FBXO11: variants seen among roughly 807,000 people sequenced by gnomAD.
FBXO11 encodes F-box only protein 11.
In FBXO11, 13 loss-of-function variants were observed where a neutral mutation model predicts 117.0. The ratio of observed to expected loss-of-function variants is 0.11; its 90% CI spans 0.07 to 0.18. The LOEUF (loss-of-function observed/expected upper bound fraction) is 0.18, where lower values mean the gene tolerates loss of function less well. FBXO11 is among the 10% of genes least tolerant of loss of function. FBXO11 has a pLI of 1.00. For missense variants in FBXO11, 767 were observed against 1,164.4 expected (o/e 0.66, Z 4.97); for synonymous variants, 490 against 380.5 (o/e 1.29, Z -3.35).
intron 11 of FBXO11, among the ~76,000 whole-genome samples, chr2:47,831,575 C>A (rs1027065382): frequency 1.4e-4 from 21 of 151,988 alleles, no homozygotes; most frequent in Admixed American, 1.0e-3. Flanking sequence ...GACCCTCTCT[C>A]CCATCTTGGA....
chr2:47,829,066 C>G (rs1457436572), intron 11 of FBXO11, among the ~76,000 whole-genome samples: 1 of 151,772 alleles, frequency 6.6e-6, no homozygotes, highest in African/African-American at 2.4e-5. Context: ...GGATTACAGG[C>G]ACACGCCACC....
At chr2:47,863,514 T>TTA (rs1439001919) in intron 1 of FBXO11, among the ~76,000 whole-genome samples, 2 of 152,184 alleles carry the variant, frequency 1.3e-5, no homozygotes, top group African/African-American at 4.8e-5. Flanking sequence ...TACAGACAGC[T>TTA]CCTAATTTAT....
intron 1 of FBXO11, among the ~76,000 whole-genome samples, chr2:47,863,679 C>G (rs896598718): frequency 6.6e-6 from 1 of 152,130 alleles, no homozygotes; most frequent in African/African-American, 2.4e-5. Context: ...AGGCCGGGTG[C>G]GGTGGCTCAT....
chr2:47,868,386 G>A, intron 1 of FBXO11, among the ~76,000 whole-genome samples: 2 of 151,276 alleles, frequency 1.3e-5, no homozygotes, highest in East Asian at 3.9e-4. Context: ...TTCACAATAT[G>A]CCACAGTGTG....
At chr2:47,818,698 A>T in intron 16 of FBXO11, 81 bp downstream of exon 16, 1 of 895,700 alleles carries the variant, frequency 1.1e-6, no homozygotes, top group Non-Finnish European at 1.7e-6. Flanking sequence ...ATTGGGCATT[A>T]AACAATAAGC....
In FBXO11 at chr2:47,813,243, C is replaced by A; in HGVS notation, c.2218G>T (p.Gly740Trp). ...GRDGGICIFN[G>W]GRGLLEENDI... ...AAATTAACAACAATACCTCGACCCC[C>A]ATTAAATATACAGATGCCACCATCT... The change falls in exon 18 of 23, where the codon GGG becomes TGG. Residue 740 changes from glycine (G) to tryptophan (W), a missense_variant. Coordinates refer to ENST00000403359, the MANE Select transcript of FBXO11 (RefSeq NM_001190274.2). 6.2e-7 allele frequency: 1 copy of A among 1,613,494 alleles called. No individual in the cohort carries two copies. The highest frequency in any genetic ancestry group is 8.5e-7 in the Non-Finnish European group (1 of 1,179,682).
intron 4 of FBXO11, among the ~76,000 whole-genome samples, chr2:47,836,570 C>T (rs1168454634): frequency 6.6e-6 from 1 of 151,982 alleles, no homozygotes; most frequent in Non-Finnish European, 1.5e-5. Context: ...CCCACCTCAG[C>T]CTCCCTAAGT....
chr2:47,846,989 A>T (rs1470669314), intron 1 of FBXO11, among the ~76,000 whole-genome samples: 2 of 152,328 alleles, frequency 1.3e-5, no homozygotes, highest in Admixed American at 1.3e-4. Flanking sequence ...TCACATCTGT[A>T]ATCCCTGCAC....
At chr2:47,818,644 G>T in intron 16 of FBXO11, 135 bp downstream of exon 16, 1 of 653,566 alleles carries the variant, frequency 1.5e-6, no homozygotes, top group Non-Finnish European at 2.6e-6. Context: ...TTTAAGTCAA[G>T]ATTATTTTAA....
intron 1 of FBXO11, among the ~76,000 whole-genome samples, chr2:47,887,039 A>G (rs1461607403): frequency 6.6e-6 from 1 of 152,104 alleles, no homozygotes; most frequent in Non-Finnish European, 1.5e-5. Context: ...TAATCCCAGC[A>G]CTTTTGGAGA....
At chr2:47,845,339 C>T (rs1311969376) in intron 1 of FBXO11, among the ~76,000 whole-genome samples, 2 of 152,208 alleles carry the variant, frequency 1.3e-5, no homozygotes, top group African/African-American at 2.4e-5. Flanking sequence ...ATCTCAACTT[C>T]CCACTTGTAA....
At chr2:47,869,635 CA>C (rs1463847313) in intron 1 of FBXO11, among the ~76,000 whole-genome samples, 2 of 151,888 alleles carry the variant, frequency 1.3e-5, no homozygotes, top group East Asian at 3.9e-4. Flanking sequence ...TTGCTGAAGG[CA>C]AAAAGAGTAC....
At chr2:47,866,487 T>G (rs1027122539) in intron 1 of FBXO11, among the ~76,000 whole-genome samples, 5 of 151,822 alleles carry the variant, frequency 3.3e-5, no homozygotes, top group African/African-American at 1.2e-4. Flanking sequence ...TTTTTTTTTT[T>G]CTTTTGAGAC....
At chr2:47,826,292 C>A (rs575664540) in intron 11 of FBXO11, among the ~76,000 whole-genome samples, 1 of 150,988 alleles carries the variant, frequency 6.6e-6, no homozygotes, top group South Asian at 2.1e-4. Context: ...CTCCTAACCT[C>A]GTGATCCACC....
intron 4 of FBXO11, chr2:47,837,088 C>T (rs1672639851): frequency 4.6e-6 from 1 of 219,364 alleles, no homozygotes; most frequent in African/African-American, 2.4e-5. Context: ...TGTCCTATAT[C>T]TTCAGTCCAT....
intron 1 of FBXO11, among the ~76,000 whole-genome samples, chr2:47,875,249 A>C (rs1197899554): frequency 6.6e-6 from 1 of 152,086 alleles, no homozygotes; most frequent in Non-Finnish European, 1.5e-5. Context: ...TGGAATTTTA[A>C]ATTTTATTAA....
At position 47,838,953 on chromosome 2, in the gene FBXO11, G is replaced by A. The variant is rs1216527205; in HGVS notation, c.493C>T (p.Leu165=). 1.9e-6 allele frequency: 3 copies of A among 1,614,030 alleles called. No individual in the cohort carries two copies. The highest frequency in any genetic ancestry group is 2.5e-6 in the Non-Finnish European group (3 of 1,179,940). ...LQEKLPDEVV[L]KIFSYLLEQD... Reference sequence around the variant, plus strand: ...TCCAGCAAGTAAGAGAAGATTTTTAGAACCACTTCATCTGGCAGTTTCTCC... The same window carrying A: ...TCCAGCAAGTAAGAGAAGATTTTTAAAACCACTTCATCTGGCAGTTTCTCC... The change falls in exon 4 of 23, where the codon CTA becomes TTA. Residue 165 remains leucine (L), a synonymous_variant. Transcript: ENST00000403359.
At chr2:47,820,085 G>A (rs1671277003) in intron 14 of FBXO11, among the ~76,000 whole-genome samples, 1 of 152,126 alleles carries the variant, frequency 6.6e-6, no homozygotes. Flanking sequence ...AGCCCATATT[G>A]CCAATAATAA....
At chr2:47,831,222 G>A (rs1232606904) in intron 11 of FBXO11, among the ~76,000 whole-genome samples, 1 of 151,706 alleles carries the variant, frequency 6.6e-6, no homozygotes, top group African/African-American at 2.4e-5. Flanking sequence ...TTCAAGCCCA[G>A]CCTGACCAAC....
Sources: gnomAD v4.1 joint callset for allele counts (sites outside exome capture counted in the v4.1 genomes callset) on GRCh38, gnomAD v4.1.1 for gene constraint, MANE v1.5 for transcripts, NCBI Gene and HGNC (gene_info 2026-07-23, HGNC 2026-07-21) for gene names.